The following MORF4L1 variants were observed in gnomAD, a reference collection of about 807,000 sequenced individuals.
MORF4L1 encodes the protein mortality factor 4-like protein 1.
In MORF4L1, 4 loss-of-function variants were observed where a neutral mutation model predicts 52.9. The ratio of observed to expected loss-of-function variants is 0.08; its 90% CI spans 0.04 to 0.17. The LOEUF (loss-of-function observed/expected upper bound fraction) is 0.17. Ranked by LOEUF, MORF4L1 falls within the 10% of genes least tolerant of loss-of-function variation. The pLI is 1.00. For synonymous variants in MORF4L1, 123 were observed against 134.8 expected (o/e 0.91, Z 0.61); for missense variants, 214 against 390.4 (o/e 0.55, Z 3.81).
At chr15:78,891,711 G>A in intron 7 of MORF4L1, 139 bp downstream of exon 7, 2 of 636,094 alleles carry the variant, frequency 3.1e-6, no homozygotes, top group Non-Finnish European at 5.3e-6. Context: ...TCTTTTGGGG[G>A]TAAAGGATAA....
chr15:78,877,438 G>A (rs1252541576), intron 1 of MORF4L1, among the ~76,000 whole-genome samples: 1 of 152,110 alleles, frequency 6.6e-6, no homozygotes, highest in Admixed American at 6.5e-5. Flanking sequence ...TAATTTTAGA[G>A]CTAAAAAAGA....
intron 10 of MORF4L1, 108 bp from the exon 11 acceptor site, chr15:78,894,712 A>C: frequency 1.1e-6 from 1 of 894,840 alleles, no homozygotes. Context: ...CCGGCCTAAA[A>C]TCATGTATTT....
chr15:78,874,583 C>CTTTTTTTTTTTTTTT (rs56665378), intron 1 of MORF4L1, among the ~76,000 whole-genome samples: 38 of 112,186 alleles, frequency 3.4e-4, no homozygotes, highest in African/African-American at 4.8e-4. Flanking sequence ...CTTTTTCTTT[C>CTTTTTTTTTTTTTTT]TTTTTTTTTT....
intron 4 of MORF4L1, 45 bp downstream of exon 4, chr15:78,886,272 G>A (rs1355994964): frequency 1.4e-6 from 2 of 1,469,966 alleles, no homozygotes. Context: ...AATGCCTGTA[G>A]ATTAATTCTG....
intron 8 of MORF4L1, among the ~76,000 whole-genome samples, 166 bp from the exon 9 acceptor site, chr15:78,893,373 G>C (rs886400877): frequency 1.1e-4 from 17 of 152,230 alleles, no homozygotes; most frequent in African/African-American, 4.1e-4. Flanking sequence ...GTTGGGAACT[G>C]TCTGTAGTTT....
intron 4 of MORF4L1, 87 bp downstream of exon 4, chr15:78,886,314 C>T (rs1180569540): frequency 3.5e-6 from 4 of 1,144,452 alleles, no homozygotes; most frequent in Non-Finnish European, 1.3e-6. Context: ...ATCATGTTGG[C>T]TGCCCTGCCT....
intron 1 of MORF4L1, among the ~76,000 whole-genome samples, chr15:78,877,089 G>GGCAC (rs946589205): frequency 1.4e-5 from 2 of 146,176 alleles, no homozygotes; most frequent in Admixed American, 6.9e-5. Context: ...TGGGACTGAA[G>GGCAC]GTGCACATCA....
At chr15:78,891,113 A>G (rs965253377) in intron 6 of MORF4L1, 99 bp downstream of exon 6, 6 of 1,310,130 alleles carry the variant, frequency 4.6e-6, no homozygotes, top group Admixed American at 4.3e-5. Flanking sequence ...GCTTATGTTT[A>G]TTGATTATCT....
At chr15:78,887,110 TTGAG>T (rs1490481848) in intron 4 of MORF4L1, among the ~76,000 whole-genome samples, 155 bp from the exon 5 acceptor site, 2 of 152,246 alleles carry the variant, frequency 1.3e-5, no homozygotes, top group Non-Finnish European at 2.9e-5. Context: ...TTGCTGTTTC[TTGAG>T]TGTTTTGTTT....
Position 78,886,246 on chromosome 15 carries a change from C to T in MORF4L1, c.242+19C>T, listed in dbSNP as rs369089397. 5.7e-6 allele frequency: 9 copies of T among 1,587,908 alleles called. No individual in the cohort carries two copies. In the African/African-American group the frequency reaches 1.2e-4, roughly 21 times the overall value. On this transcript the variant is annotated intron_variant, in intron 4 of 11. Transcript: ENST00000426013. ...CCAATCAGTAAGTTTGTTTTGTGAA[C>T]TGAATATTAAGGAGAAATGCCTGTA...
At position 78,897,084 on chromosome 15, in the gene MORF4L1, C is replaced by T. The variant is rs753429550; in HGVS notation, c.*17C>T. 1.0e-5 allele frequency: 16 copies of T among 1,587,790 alleles called. No individual in the cohort carries two copies. Among genetic ancestry groups the T allele is most frequent in the Admixed American group, 5.0e-5 (3 of 59,868 alleles). On this transcript the variant is annotated 3_prime_UTR_variant, in exon 12 of 12. Transcript: ENST00000426013. ...GCTGTGTGAGAGGCACTCTCACTCA[C>T]TTATGTTTGGATCTCCGTAAACACA...
rs377056882 is a variant in MORF4L1 at position 78,873,007 on chromosome 15, A to T, written c.-11A>T. The T allele has an allele frequency of 6.4e-7, 1 of 1,551,000 alleles. No homozygotes were observed. Among genetic ancestry groups the T allele is most frequent in the East Asian group, 2.4e-5 (1 of 41,234 alleles). On this transcript the variant is annotated 5_prime_UTR_variant, in exon 1 of 12. Coordinates refer to ENST00000426013, the MANE Select transcript of MORF4L1 (RefSeq NM_006791.4). ...TGGTGGGAGAAGGAGGAGGCGGCGA[A>T]TCACTTATAAATGGCGCCGAAGCAG...
In MORF4L1 at chr15:78,878,721, T is replaced by G. The variant is rs1202995416; in HGVS notation, c.87+462T>G. 2.6e-5 allele frequency among the ~76,000 whole-genome samples: 4 copies of G among 152,224 alleles called. No individual in the cohort carries two copies. The East Asian group carries it at 7.7e-4, about 29-fold the overall frequency. ...AAGTTTGTATTCTGGGAGGCCCCCTTTGTATCAGGGTGTGCTCAAGTTATA... is the reference window on the plus strand; with the variant it reads ...AAGTTTGTATTCTGGGAGGCCCCCTGTGTATCAGGGTGTGCTCAAGTTATA... On this transcript the variant is annotated intron_variant, in intron 2 of 11. Transcript: ENST00000426013.
Position 78,873,092 on chromosome 15 carries a change from G to A in MORF4L1, c.40+35G>A, listed in dbSNP as rs370509437. On this transcript the variant is annotated intron_variant, in intron 1 of 11. Transcript: ENST00000426013. ...CGCCTTTGGGAAAAAGGCACCTAAC[G>A]GCGCAGGAGATAGAGGCGGGCTCGA... 20 of 1,550,512 alleles carry A rather than the reference G, an allele frequency of 1.3e-5. No individual in the cohort carries two copies. In the Middle Eastern group the frequency reaches 5.1e-4, roughly 39 times the overall value.
chr15:78,895,830 A>G (rs74024474), intron 11 of MORF4L1, among the ~76,000 whole-genome samples: 11 of 152,270 alleles, frequency 7.2e-5, no homozygotes, highest in African/African-American at 2.6e-4. Context: ...TTTACAGTAA[A>G]TTTAAAACTG....
chr15:78,896,130 C>A (rs1338326025), intron 11 of MORF4L1, among the ~76,000 whole-genome samples: 5 of 151,586 alleles, frequency 3.3e-5, no homozygotes, highest in Admixed American at 3.3e-4. Context: ...AGGTGCACAC[C>A]ACCATGCCTG....
rs201271628 is a variant in MORF4L1 at position 78,894,875 on chromosome 15, A to G, written c.858A>G (p.Leu286=). The G allele has an allele frequency of 1.9e-6, 3 of 1,613,522 alleles. No individual in the cohort carries two copies. Among genetic ancestry groups the G allele is most frequent in the Non-Finnish European group, 2.5e-6 (3 of 1,179,446 alleles). Residue 286 remains leucine (L), a synonymous_variant, in exon 11 of 12, where the codon TTA becomes TTG. Coordinates refer to ENST00000426013, the MANE Select transcript of MORF4L1 (RefSeq NM_006791.4). ...YTPLDEKSLA[L]LLNYLHDFLK... is the part of the protein sequence containing the mutation. Reference sequence around the variant, plus strand: ...CTCTGGATGAGAAGAGCCTTGCTTTATTACTCAATTATCTTCACGATTTCC... The same window carrying G: ...CTCTGGATGAGAAGAGCCTTGCTTTGTTACTCAATTATCTTCACGATTTCC...
chr15:78,873,067 C>G lies in MORF4L1; in HGVS notation c.40+10C>G. On this transcript the variant is annotated intron_variant, in intron 1 of 11. Transcript: ENST00000426013. ...CCTAAATTCCAGGAGGGTGAGTGTG[C>G]GCCTTTGGGAAAAAGGCACCTAACG... 6.4e-7 allele frequency: 1 copy of G among 1,550,838 alleles called. No individual in the cohort carries two copies. Among genetic ancestry groups the G allele is most frequent in the Non-Finnish European group, 8.7e-7 (1 of 1,146,636 alleles).
At chr15:78,876,607 C>T (rs1046359003) in intron 1 of MORF4L1, 3 of 455,752 alleles carry the variant, frequency 6.6e-6, no homozygotes, top group African/African-American at 6.0e-5. Flanking sequence ...TTCAGAGTGC[C>T]TTTAAAATGT....
Sources: gnomAD v4.1 joint callset for allele counts (sites outside exome capture counted in the v4.1 genomes callset) on GRCh38, gnomAD v4.1.1 for gene constraint, MANE v1.5 for transcripts, NCBI Gene and HGNC (gene_info 2026-07-23, HGNC 2026-07-21) for gene names.